The following FAM184A variants were observed in gnomAD, a reference collection of about 807,000 sequenced individuals.
FAM184A encodes the protein family with sequence similarity 184 member A, also known as protein FAM184A.
Under a neutral mutation model 143.8 loss-of-function variants are expected in FAM184A, and 99 were observed. The observed-to-expected ratio is 0.69, with a 90% CI of 0.58 to 0.81. FAM184A has a LOEUF of 0.81. Ranked by LOEUF, FAM184A falls within the 40% of genes least tolerant of loss-of-function variation. The pLI, the probability that FAM184A is intolerant of heterozygous loss-of-function variation, is 0.00. For synonymous variants in FAM184A, 427 were observed against 446.4 expected (o/e 0.96, Z 0.55); for missense variants, 1,217 against 1,310.5 (o/e 0.93, Z 1.10).
intron 1 of FAM184A, among the ~76,000 whole-genome samples, chr6:119,127,743 C>G (rs1789411349): frequency 6.6e-6 from 1 of 152,238 alleles, no homozygotes; most frequent in South Asian, 2.1e-4. Context: ...GATGTCATAA[C>G]AGTTGGGAGT....
chr6:118,962,735 T>C (rs548632019), intron 16 of FAM184A: 1 of 152,274 alleles, frequency 6.6e-6, no homozygotes, highest in Admixed American at 6.5e-5. Context: ...CTGCAGATTA[T>C]CAAAATCTAT....
At chr6:119,104,688 A>T (rs1788731565) in intron 1 of FAM184A, among the ~76,000 whole-genome samples, 1 of 152,236 alleles carries the variant, frequency 6.6e-6, no homozygotes, top group African/African-American at 2.4e-5. Context: ...ATTACATTTT[A>T]TTTACATATA....
chr6:119,047,579 T>A (rs1391063384), intron 1 of FAM184A, among the ~76,000 whole-genome samples: 1 of 151,960 alleles, frequency 6.6e-6, no homozygotes, highest in Non-Finnish European at 1.5e-5. Context: ...AAAACAGCCA[T>A]CAGAAACTAC....
chr6:119,091,918 T>G (rs892110294), intron 1 of FAM184A, among the ~76,000 whole-genome samples: 6 of 152,190 alleles, frequency 3.9e-5, no homozygotes, highest in African/African-American at 1.4e-4. Context: ...CCTCCATACC[T>G]GCTGACAAAG....
upstream of FAM184A, among the ~76,000 whole-genome samples, chr6:119,081,194 G>A (rs180781377): frequency 2.6e-5 from 4 of 152,298 alleles, no homozygotes; most frequent in Admixed American, 2.6e-4. Flanking sequence ...AGGTGAGAAA[G>A]AGAGAAAGAG....
At chr6:119,042,351 T>A (rs539259730) in intron 1 of FAM184A, among the ~76,000 whole-genome samples, 1 of 152,330 alleles carries the variant, frequency 6.6e-6, no homozygotes, top group Admixed American at 6.5e-5. Flanking sequence ...GTTCCTCGGA[T>A]GCATTCCCCA....
chr6:119,026,123 C>A (rs1448973869), intron 1 of FAM184A, among the ~76,000 whole-genome samples: 1 of 152,196 alleles, frequency 6.6e-6, no homozygotes, highest in South Asian at 2.1e-4. Context: ...TGTCCATATA[C>A]TCGCTTAGTC....
At position 119,069,121 on chromosome 6, in the gene FAM184A, C is replaced by T. The variant is rs367701690; in HGVS notation, c.159+9020G>A. 1.3e-4 allele frequency: 44 copies of T among 326,692 alleles called. 1 individual carries two copies. The highest frequency in any genetic ancestry group is 5.4e-4 in the Admixed American group (17 of 31,396). 20.2% of individuals were successfully genotyped at this position (326,692 alleles called of 1,614,324 possible). A position where few individuals can be genotyped will look rare whatever the true frequency, so the allele number is the denominator to read the frequency against. On this transcript the variant is annotated intron_variant, in intron 1 of 17. Transcript: ENST00000338891. ...AAGGCCAAAACCACAATTACTTTTG[C>T]GCCAACCTAAATATATAGTCTGAAA...
rs759166362 is a variant in FAM184A at position 118,975,031 on chromosome 6, G to A, written c.2761C>T (p.Gln921Ter). ...TTGTACTTAATGGCATACCTTATCT[G>A]TTGGTTAGATTCACTTCGTATTCTG... ...ILRIRSESNQQIRLHEQDLNK... is the reference protein window; with the variant it reads ...ILRIRSESNQ Residue 921 changes from glutamine to a stop codon, truncating the protein, a stop_gained, in exon 13 of 18, where the codon CAG (glutamine) becomes TAG (stop). Coordinates refer to ENST00000338891, the MANE Select transcript of FAM184A (RefSeq NM_024581.6). LOFTEE classifies it high-confidence loss of function. 3.1e-6 allele frequency: 5 copies of A among 1,611,146 alleles called. No homozygotes were observed. In the Admixed American group the frequency reaches 5.0e-5, roughly 16 times the overall value.
At chr6:119,126,541 G>A (rs1220294295) in intron 1 of FAM184A, among the ~76,000 whole-genome samples, 1 of 152,200 alleles carries the variant, frequency 6.6e-6, no homozygotes, top group Non-Finnish European at 1.5e-5. Context: ...GTGCTTCCGG[G>A]CACCGGCAAG....
chr6:119,128,997 A>T (rs1484285954), intron 1 of FAM184A, among the ~76,000 whole-genome samples: 1 of 152,110 alleles, frequency 6.6e-6, no homozygotes, highest in African/African-American at 2.4e-5. Flanking sequence ...CCTTAGCTTC[A>T]CAATCTCCCT....
intron 9 of FAM184A, among the ~76,000 whole-genome samples, chr6:118,989,670 C>T (rs1345210160): frequency 6.8e-6 from 1 of 146,432 alleles, no homozygotes; most frequent in Non-Finnish European, 1.5e-5. Context: ...TTATGTACAT[C>T]ACTAGTTAAT....
chr6:119,062,119 T>C (rs1787281347), intron 1 of FAM184A, among the ~76,000 whole-genome samples: 1 of 151,998 alleles, frequency 6.6e-6, no homozygotes, highest in African/African-American at 2.4e-5. Flanking sequence ...GCTTGAGAGG[T>C]GATCAGGGTT....
At chr6:119,053,599 T>C (rs569700353) in intron 1 of FAM184A, among the ~76,000 whole-genome samples, 1 of 152,294 alleles carries the variant, frequency 6.6e-6, no homozygotes, top group South Asian at 2.1e-4. Flanking sequence ...ATATTTTCAA[T>C]TTAGGGTAGA....
intron 1 of FAM184A, among the ~76,000 whole-genome samples, chr6:119,039,211 G>A (rs1312712322): frequency 3.3e-5 from 5 of 152,234 alleles, no homozygotes; most frequent in Non-Finnish European, 7.3e-5. Flanking sequence ...TGAGAATATT[G>A]TAGACATTTT....
At chr6:119,032,977 G>A (rs918070561) in intron 1 of FAM184A, among the ~76,000 whole-genome samples, 5 of 151,922 alleles carry the variant, frequency 3.3e-5, no homozygotes, top group African/African-American at 1.2e-4. Flanking sequence ...CTATTCTATC[G>A]GTTCCAGAGC....
At chr6:119,143,552 A>G (rs9489601) in intron 1 of FAM184A, among the ~76,000 whole-genome samples, 7,683 of 152,328 alleles carry the variant, frequency 0.05, 641 homozygotes, top group African/African-American at 0.18. Context: ...AGAGGTGGAA[A>G]CAATCGAAGT....
intron 1 of FAM184A, among the ~76,000 whole-genome samples, chr6:119,120,141 A>C (rs1176420281): frequency 6.6e-6 from 1 of 152,250 alleles, no homozygotes; most frequent in Non-Finnish European, 1.5e-5. Context: ...CACTGCAAAA[A>C]GAAACCCTGC....
At chr6:118,970,416 T>C (rs1321429347) in intron 14 of FAM184A, among the ~76,000 whole-genome samples, 1 of 152,166 alleles carries the variant, frequency 6.6e-6, no homozygotes, top group Non-Finnish European at 1.5e-5. Context: ...CATTGTTTTA[T>C]TTTCACAAAA....
Sources: allele counts gnomAD v4.1 joint callset (sites outside exome capture counted in the v4.1 genomes callset), GRCh38; gene constraint gnomAD v4.1.1; transcripts MANE v1.5; gene names NCBI Gene and HGNC (gene_info 2026-07-23, HGNC 2026-07-21).